The following MAP6 variants were observed in gnomAD, a reference collection of about 807,000 sequenced individuals.
The protein encoded by MAP6 is microtubule-associated protein 6.
Under a neutral mutation model 42.4 loss-of-function variants are expected in MAP6, and 26 were observed. The ratio of observed to expected loss-of-function variants is 0.61; its 90% CI spans 0.45 to 0.85. The LOEUF is 0.85. Ranked by LOEUF, MAP6 falls within the 40% of genes least tolerant of loss-of-function variation. The probability of loss-of-function intolerance (pLI) is 0.00; values close to 1 mark genes in which losing one functional copy is unlikely to be tolerated. For synonymous variants in MAP6, 418 were observed against 443.8 expected (o/e 0.94, Z 0.73); for missense variants, 966 against 1,099.0 (o/e 0.88, Z 1.71).
intron 1 of MAP6, among the ~76,000 whole-genome samples, chr11:75,619,267 CAA>C (rs1170865113): frequency 6.6e-6 from 1 of 152,064 alleles, no homozygotes; most frequent in African/African-American, 2.4e-5. Flanking sequence ...AAAATTGACT[CAA>C]GAAGAAATAG....
At chr11:75,618,911 T>C (rs936419727) in intron 1 of MAP6, among the ~76,000 whole-genome samples, 2 of 152,218 alleles carry the variant, frequency 1.3e-5, no homozygotes, top group Non-Finnish European at 2.9e-5. Context: ...GCCCGATTCG[T>C]GAGCCTTCTC....
intron 1 of MAP6, among the ~76,000 whole-genome samples, chr11:75,626,152 T>C (rs554556134): frequency 1.3e-5 from 2 of 152,268 alleles, no homozygotes; most frequent in South Asian, 4.1e-4. Context: ...TTGACAAGCA[T>C]ATATCCTCTC....
At chr11:75,659,988 T>G (rs1943815441) in intron 1 of MAP6, among the ~76,000 whole-genome samples, 1 of 152,204 alleles carries the variant, frequency 6.6e-6, no homozygotes, top group Non-Finnish European at 1.5e-5. Flanking sequence ...TTCTGAGAGT[T>G]AATTGCACAA....
At chr11:75,645,107 G>C (rs570086097) in intron 1 of MAP6, among the ~76,000 whole-genome samples, 1 of 152,280 alleles carries the variant, frequency 6.6e-6, no homozygotes, top group East Asian at 1.9e-4. Flanking sequence ...TTCAATGAAG[G>C]CACCTCTGAG....
At chr11:75,629,151 G>A (rs1192965038) in intron 1 of MAP6, among the ~76,000 whole-genome samples, 7 of 152,100 alleles carry the variant, frequency 4.6e-5, no homozygotes, top group Non-Finnish European at 1.0e-4. Flanking sequence ...GCAGTGGTGC[G>A]ATCTCGGCTC....
rs1450929523 is a variant in MAP6, at chr11:75,667,971, G to C, written c.399C>G (p.Pro133=). 1.4e-5 allele frequency: 19 copies of C among 1,322,900 alleles called. No homozygotes were observed. The highest frequency in any genetic ancestry group is 3.0e-5 in the African/African-American group (2 of 65,680). 81.9% of individuals were successfully genotyped at this position (1,322,900 alleles called of 1,614,324 possible). The change falls in exon 1 of 4, where the codon CCC becomes CCG. Residue 133 remains proline, a synonymous_variant. Transcript: ENST00000304771. This position sits in a 1 kb window ranked among gnomAD's most constrained non-coding sequence, Gnocchi z 5.6. ...QDYRAWKVQR[P]EPSCRPRSEY... is the part of the protein sequence containing the mutation. ...CGCTGCGCGGCCGGCAGCTGGGCTC[G>C]GGCCGCTGCACCTTCCAGGCTCGGT...
At chr11:75,654,705 C>T (rs534944036) in intron 1 of MAP6, among the ~76,000 whole-genome samples, 1 of 152,244 alleles carries the variant, frequency 6.6e-6, no homozygotes, top group African/African-American at 2.4e-5. Flanking sequence ...ATAAAAGTAG[C>T]CAGCACTTAC....
intron 1 of MAP6, among the ~76,000 whole-genome samples, chr11:75,612,305 A>G (rs894791869): frequency 1.3e-5 from 2 of 152,224 alleles, no homozygotes; most frequent in African/African-American, 4.8e-5. Flanking sequence ...AAGGGCATGG[A>G]ATGTACCCCA....
chr11:75,659,463 T>C (rs1032818155), intron 1 of MAP6, among the ~76,000 whole-genome samples: 4 of 152,076 alleles, frequency 2.6e-5, no homozygotes, highest in Non-Finnish European at 4.4e-5. Flanking sequence ...GCCTGGGCGA[T>C]AGAGGAAGGG....
At chr11:75,649,762 A>AC (rs1943618029) in intron 1 of MAP6, among the ~76,000 whole-genome samples, 1 of 151,922 alleles carries the variant, frequency 6.6e-6, no homozygotes, top group East Asian at 1.9e-4. Context: ...GCTGGTCTTG[A>AC]ACTCCTGCCC....
intron 1 of MAP6, among the ~76,000 whole-genome samples, chr11:75,615,554 T>G (rs1331092409): frequency 1.3e-5 from 2 of 152,030 alleles, no homozygotes; most frequent in African/African-American, 4.8e-5. Context: ...CCACAGACCT[T>G]GTTGTCAGGT....
intron 1 of MAP6, among the ~76,000 whole-genome samples, chr11:75,635,158 C>T (rs1466253107): frequency 6.6e-6 from 1 of 152,176 alleles, no homozygotes; most frequent in Non-Finnish European, 1.5e-5. Context: ...CCCCTGGGGA[C>T]TCTGCTCTTC....
At chr11:75,618,476 G>A (rs1943041728) in intron 1 of MAP6, among the ~76,000 whole-genome samples, 1 of 151,886 alleles carries the variant, frequency 6.6e-6, no homozygotes, top group Non-Finnish European at 1.5e-5. Context: ...GCATGGTGGT[G>A]GGCGCCTGTA....
In MAP6 at chr11:75,668,040, G is replaced by C; in HGVS notation, c.330C>G (p.Ser110=). The C allele has an allele frequency of 8.1e-7, 1 of 1,229,774 alleles. No homozygotes were observed. The highest frequency in any genetic ancestry group is 1.0e-6 in the Non-Finnish European group (1 of 986,768). The allele number at this position is 1,229,774 out of a possible 1,614,324, so 76.2% of individuals were successfully genotyped here. A position where few individuals can be genotyped will look rare whatever the true frequency, so the allele number is the denominator to read the frequency against. ...GRSGPGPGLG[S]GSTSGPADSV... is the part of the protein sequence containing the mutation. ...AGTCCGCGGGGCCGGAGGTGGAGCCGGAGCCCAGGCCCGGGCCCGGCCCGC... is the reference window on the plus strand; with the variant it reads ...AGTCCGCGGGGCCGGAGGTGGAGCCCGAGCCCAGGCCCGGGCCCGGCCCGC... Residue 110 remains serine (S), a synonymous_variant, in exon 1 of 4, where the codon TCC becomes TCG. Transcript: ENST00000304771.
chr11:75,601,344 T>C (rs1184713020), intron 3 of MAP6, among the ~76,000 whole-genome samples: 1 of 152,228 alleles, frequency 6.6e-6, no homozygotes. Flanking sequence ...TCTCTCTCCC[T>C]TAACTCATCA....
At chr11:75,604,721 C>G in intron 3 of MAP6, 1 of 985,348 alleles carries the variant, frequency 1.0e-6, no homozygotes. Context: ...ATACTGAGAG[C>G]TGCTTTTATA....
intron 1 of MAP6, among the ~76,000 whole-genome samples, chr11:75,641,655 G>C (rs1943473774): frequency 6.6e-6 from 1 of 152,198 alleles, no homozygotes; most frequent in African/African-American, 2.4e-5. Flanking sequence ...TTAAAATGCT[G>C]ATGAGGGTCT....
chr11:75,609,920 C>G (rs908839798), intron 1 of MAP6, among the ~76,000 whole-genome samples: 3 of 152,218 alleles, frequency 2.0e-5, no homozygotes, highest in Non-Finnish European at 4.4e-5. Context: ...TAAAAGGTGA[C>G]TGGGTAATGA....
At chr11:75,640,563 A>G (rs1943450034) in intron 1 of MAP6, among the ~76,000 whole-genome samples, 1 of 152,216 alleles carries the variant, frequency 6.6e-6, no homozygotes, top group Non-Finnish European at 1.5e-5. Context: ...TAAATGGGAG[A>G]AAATTTTTGC....
Sources: gnomAD v4.1 joint callset for allele counts (sites outside exome capture counted in the v4.1 genomes callset) on GRCh38, gnomAD v4.1.1 for gene constraint, Gnocchi (gnomAD v3.1) non-coding constraint, MANE v1.5 for transcripts, NCBI Gene and HGNC (gene_info 2026-07-23, HGNC 2026-07-21) for gene names.